ZFYVE28: variants seen among roughly 807,000 people sequenced by gnomAD.
The protein encoded by ZFYVE28 is lateral signaling target protein 2 homolog.
In ZFYVE28, 40 loss-of-function variants were observed where a neutral mutation model predicts 82.1. The observed-to-expected ratio is 0.49, with a 90% CI of 0.38 to 0.63. The LOEUF is 0.63. Among genes scored for constraint, ZFYVE28 ranks in the 30% least tolerant of loss-of-function variants. The probability of loss-of-function intolerance (pLI) is 0.00; values close to 1 mark genes in which losing one functional copy is unlikely to be tolerated. For synonymous variants in ZFYVE28, 612 were observed against 546.1 expected, an observed-to-expected ratio of 1.12 and a Z score of -1.68; for missense variants, 1,321 against 1,242.1, an observed-to-expected ratio of 1.06 and a Z score of -0.96.
chr4:2,348,327 C>T (rs1414488974), intron 2 of ZFYVE28, among the ~76,000 whole-genome samples: 1 of 152,146 alleles, frequency 6.6e-6, no homozygotes, highest in African/African-American at 2.4e-5. Context: ...AATCTTCCTA[C>T]AAAGAAAACT....
intron 8 of ZFYVE28, among the ~76,000 whole-genome samples, chr4:2,295,298 A>C (rs1182264407): frequency 6.6e-6 from 1 of 150,954 alleles, no homozygotes; most frequent in Non-Finnish European, 1.5e-5. Context: ...AGTAGCTGGG[A>C]TTGCAGGCAC....
chr4:2,318,672 G>A (rs1348995669), intron 7 of ZFYVE28, among the ~76,000 whole-genome samples: 11 of 152,124 alleles, frequency 7.2e-5, no homozygotes, highest in African/African-American at 2.7e-4. Context: ...GCACACCTGG[G>A]TCCCCGCTGC....
intron 1 of ZFYVE28, chr4:2,364,969 G>A (rs1185404801): frequency 3.2e-6 from 3 of 939,508 alleles, no homozygotes; most frequent in Admixed American, 6.2e-5. Flanking sequence ...CAGAGCCGGG[G>A]TGTCCCGGGC....
chr4:2,271,506 A>T, intron 11 of ZFYVE28, 92 bp from the exon 12 acceptor site: 3 of 1,475,222 alleles, frequency 2.0e-6, no homozygotes, highest in South Asian at 2.3e-5. Context: ...TCCTTTCCAG[A>T]CTGCCAAGCC....
intron 1 of ZFYVE28, among the ~76,000 whole-genome samples, chr4:2,387,065 G>A (rs1012197485): frequency 2.0e-5 from 3 of 151,574 alleles, no homozygotes; most frequent in Non-Finnish European, 3.0e-5. Context: ...CTCCGGGGCC[G>A]GGGCCGGGGC....
At chr4:2,353,336 G>A (rs146254856) in intron 2 of ZFYVE28, among the ~76,000 whole-genome samples, 2,223 of 152,288 alleles carry the variant, frequency 0.015, 59 homozygotes, top group African/African-American at 0.05. Context: ...CACCTCCCAT[G>A]GCCGCAAGGA....
At position 2,355,242 on chromosome 4, in the gene ZFYVE28, AT is replaced by A. The variant is rs1560269879; in HGVS notation, c.40-1170del. 5.0e-3 allele frequency among the ~76,000 whole-genome samples: 120 copies of A among 23,900 alleles called. 16 individuals carry two copies. Among genetic ancestry groups the A allele is most frequent in the African/African-American group, 0.018 (93 of 5,270 alleles). 15.7% of individuals were successfully genotyped at this position (23,900 alleles called of 152,430 possible). ...TATATATATATATATATATATATAT[AT>A]ATATATATATATATATATATATATA... On this transcript the variant is annotated intron_variant, in intron 1 of 12. Transcript: ENST00000290974.
At chr4:2,272,743 G>A (rs955504080) in intron 10 of ZFYVE28, among the ~76,000 whole-genome samples, 25 of 152,210 alleles carry the variant, frequency 1.6e-4, no homozygotes, top group Non-Finnish European at 3.2e-4. Flanking sequence ...GGCAGCTCTC[G>A]GTAGAAGAGA....
At chr4:2,369,817 A>G (rs1417856698) in intron 1 of ZFYVE28, among the ~76,000 whole-genome samples, 1 of 115,586 alleles carries the variant, frequency 8.7e-6, no homozygotes, top group Non-Finnish European at 1.9e-5. Context: ...TGGTCTCCAG[A>G]ACTTTGAAAG....
rs758470767 is a variant in ZFYVE28, at chr4:2,304,855, C to T, written c.1485G>A (p.Ala495=). ...RLHLDGWEVG[A]DDAETAEMIA... is the part of the protein sequence containing the mutation. ...TCATCTCAGCCGTCTCTGCGTCATC[C>T]GCACCCACCTCCCAGCCGTCCAGGT... is the stretch of plus-strand genomic sequence containing the variant. The change falls in exon 8 of 13, where the codon GCG becomes GCA. Residue 495 remains alanine, a synonymous_variant. Coordinates refer to ENST00000290974, the MANE Select transcript of ZFYVE28 (RefSeq NM_020972.3). 1.1e-5 allele frequency: 17 copies of T among 1,612,548 alleles called. No homozygotes were observed. Among genetic ancestry groups the T allele is most frequent in the African/African-American group, 2.7e-5 (2 of 74,924 alleles).
At chr4:2,364,989 G>T (rs1198998045) in intron 1 of ZFYVE28, 3 of 799,466 alleles carry the variant, frequency 3.8e-6, no homozygotes, top group Non-Finnish European at 3.0e-6. Flanking sequence ...CGCACGCGGG[G>T]GTCACTCCCT....
At chr4:2,360,680 C>G (rs1726027370) in intron 1 of ZFYVE28, among the ~76,000 whole-genome samples, 1 of 152,174 alleles carries the variant, frequency 6.6e-6, no homozygotes, top group African/African-American at 2.4e-5. Context: ...TTACAAAATT[C>G]AGTCTATCCT....
intron 12 of ZFYVE28, 79 bp from the exon 13 acceptor site, chr4:2,270,935 A>ACCCC: frequency 6.5e-7 from 1 of 1,540,698 alleles, no homozygotes. Flanking sequence ...CCACACACCT[A>ACCCC]CCCACCCAGC....
intron 8 of ZFYVE28, among the ~76,000 whole-genome samples, chr4:2,297,232 GTGTCAT>G (rs980445640): frequency 6.6e-6 from 1 of 152,256 alleles, no homozygotes; most frequent in African/African-American, 2.4e-5. Flanking sequence ...AGGACCCTCT[GTGTCAT>G]GGCCTGGAGG....
rs1353502257 is a variant in ZFYVE28 at position 2,418,639 on chromosome 4, T to C, written c.-316A>G. 1 of 148,866 alleles carries C rather than the reference T, an allele frequency of 6.7e-6. No individual in the cohort carries two copies. The highest frequency in any genetic ancestry group is 1.5e-5 in the Non-Finnish European group (1 of 67,164). 9.2% of individuals were successfully genotyped at this position (148,866 alleles called of 1,614,324 possible). ...TGCTCACTGACACCCAGCGCTCCGC[T>C]GGTCACGGCCGCCCCGCGCCGCACA... is the stretch of plus-strand genomic sequence containing the variant. On this transcript the variant is annotated 5_prime_UTR_variant, in exon 1 of 13. Coordinates refer to ENST00000290974, the MANE Select transcript of ZFYVE28 (RefSeq NM_020972.3). This position sits in a 1 kb window ranked among gnomAD's most constrained non-coding sequence, Gnocchi z 4.6.
rs191308818 is a variant in ZFYVE28 at position 2,341,807 on chromosome 4, G to A, written c.181-192C>T. Among the ~76,000 whole-genome samples, 1 of 152,178 alleles carries A rather than the reference G, an allele frequency of 6.6e-6. No homozygotes were observed. Among genetic ancestry groups the A allele is most frequent in the African/African-American group, 2.4e-5 (1 of 41,454 alleles). On this transcript the variant is annotated intron_variant, in intron 2 of 12. Transcript: ENST00000290974. The surrounding 1 kb of genome is among the most constrained non-coding windows in gnomAD (Gnocchi z 4.5). ...GGCCGAGGCGGGTGGTTTACCTGAGGTTAGGAGTTTGAGACCAGCCTGGCC... is the reference window on the plus strand; with the variant it reads ...GGCCGAGGCGGGTGGTTTACCTGAGATTAGGAGTTTGAGACCAGCCTGGCC...
At position 2,270,550 on chromosome 4, in the gene ZFYVE28, T is replaced by G; in HGVS notation, c.*175A>C. On this transcript the variant is annotated 3_prime_UTR_variant, in exon 13 of 13. Coordinates refer to ENST00000290974, the MANE Select transcript of ZFYVE28 (RefSeq NM_020972.3). ...GTTGGCCCCTGCAGCCGGCCCGGGG[T>G]CCCTGCAGGGAGGCTAGCGTGGGCA... 1.1e-6 allele frequency: 1 copy of G among 937,544 alleles called. No individual in the cohort carries two copies. Among genetic ancestry groups the G allele is most frequent in the Non-Finnish European group, 1.6e-6 (1 of 638,048 alleles). The allele number at this position is 937,544 out of a possible 1,614,324, so 58.1% of individuals were successfully genotyped here.
intron 1 of ZFYVE28, among the ~76,000 whole-genome samples, chr4:2,379,195 G>C (rs368527255): frequency 1.1e-4 from 16 of 152,286 alleles, no homozygotes; most frequent in African/African-American, 2.9e-4. Flanking sequence ...GTGGGCATTG[G>C]GGGGACCGCT....
intron 1 of ZFYVE28, among the ~76,000 whole-genome samples, chr4:2,387,079 G>GGCCGGA (rs1729343459): frequency 1.3e-5 from 2 of 152,038 alleles, no homozygotes; most frequent in African/African-American, 4.8e-5. Context: ...CCGGGGCCGG[G>GGCCGGA]GCCACTCCCT....
Sources: gnomAD v4.1 joint callset for allele counts (sites outside exome capture counted in the v4.1 genomes callset) on GRCh38, gnomAD v4.1.1 for gene constraint, Gnocchi (gnomAD v3.1) non-coding constraint, MANE v1.5 for transcripts, NCBI Gene and HGNC (gene_info 2026-07-23, HGNC 2026-07-21) for gene names.